GPI: variants seen among roughly 807,000 people sequenced by gnomAD.
GPI encodes glucose-6-phosphate isomerase, also known as D-hexose-6-phosphate anomerase.
In GPI, 56 loss-of-function variants were observed where a neutral mutation model predicts 75.8. The observed-to-expected ratio is 0.74, with a 90% CI of 0.60 to 0.92. The LOEUF is 0.92. GPI is among the 40% of genes least tolerant of loss of function. The pLI, the probability that GPI is intolerant of heterozygous loss-of-function variation, is 0.00. For synonymous variants in GPI, 288 were observed against 285.4 expected (o/e 1.01, Z -0.09); for missense variants, 638 against 741.0 (o/e 0.86, Z 1.61).
At chr19:34,394,482 G>C (rs2074916335) in intron 12 of GPI, among the ~76,000 whole-genome samples, 1 of 152,286 alleles carries the variant, frequency 6.6e-6, no homozygotes, top group East Asian at 1.9e-4. Context: ...GAGGACCTGG[G>C]TCTGTCCATG....
rs755460923 is a variant in GPI at position 34,394,059 on chromosome 19, T to A, written c.1055T>A (p.Phe352Tyr). The part of the protein sequence containing the change: ...DQYLHRFAAY[F>Y]QQGDMESNGK... ...TACCTGCACCGCTTTGCTGCGTACT[T>A]CCAGCAGGTACCAGCTGCCAAGCCA... Residue 352 changes from phenylalanine to tyrosine, a missense_variant, in exon 12 of 18, where the codon TTC becomes TAC. Transcript: ENST00000356487. 15 of 1,610,248 alleles carry A rather than the reference T, an allele frequency of 9.3e-6. No homozygotes were observed. The highest frequency in any genetic ancestry group is 1.3e-5 in the Non-Finnish European group (15 of 1,178,764).
At chr19:34,360,978 A>T (rs980889332), upstream of GPI, among the ~76,000 whole-genome samples, 6 of 151,946 alleles carry the variant, frequency 3.9e-5, no homozygotes, top group Non-Finnish European at 8.8e-5. Context: ...GGGTTTCACC[A>T]TGGTGGCCAG....
At chr19:34,394,875 G>C (rs968888854) in intron 12 of GPI, among the ~76,000 whole-genome samples, 1 of 151,968 alleles carries the variant, frequency 6.6e-6, no homozygotes, top group Non-Finnish European at 1.5e-5. Context: ...CACCTTGCCT[G>C]GCTAATTTTT....
At chr19:34,390,415 G>A (rs2074804439) in intron 9 of GPI, among the ~76,000 whole-genome samples, 1 of 152,184 alleles carries the variant, frequency 6.6e-6, no homozygotes, top group Non-Finnish European at 1.5e-5. Flanking sequence ...CCTGGCACCG[G>A]TAAGGGGCTC....
intron 6 of GPI, 44 bp from the exon 7 acceptor site, chr19:34,378,890 C>A: frequency 6.7e-7 from 1 of 1,487,912 alleles, no homozygotes; most frequent in Non-Finnish European, 9.4e-7. Context: ...GGCCTGCACC[C>A]ACCCCTAAGC....
upstream of GPI, among the ~76,000 whole-genome samples, chr19:34,361,933 A>G (rs182107492): frequency 3.3e-5 from 5 of 151,930 alleles, no homozygotes; most frequent in African/African-American, 1.2e-4. Flanking sequence ...TGGTCAACAC[A>G]GTGAAACCCC....
intron 2 of GPI, 137 bp from the exon 3 acceptor site, chr19:34,366,646 C>A: frequency 1.3e-6 from 1 of 772,132 alleles, no homozygotes; most frequent in Non-Finnish European, 2.3e-6. Context: ...TAGACCCTTC[C>A]CAGACAGCAG....
At chr19:34,374,545 G>A (rs2145347892) in intron 4 of GPI, among the ~76,000 whole-genome samples, 1 of 152,216 alleles carries the variant, frequency 6.6e-6, no homozygotes, top group Admixed American at 6.5e-5. Context: ...ACCTCATTTT[G>A]TCAAGTACAG....
Position 34,393,616 on chromosome 19 carries a change from T to C in GPI, c.866-112T>C, listed in dbSNP as rs539717443. ...TTGTCTAGGTCCGAGTCCTCCCATGTCGTATCTTCTGGCTCTCCATGCAGC... is the reference window on the plus strand; with the variant it reads ...TTGTCTAGGTCCGAGTCCTCCCATGCCGTATCTTCTGGCTCTCCATGCAGC... On this transcript the variant is annotated intron_variant, in intron 10 of 17. Transcript: ENST00000356487. The surrounding 1 kb of genome is among the most constrained non-coding windows in gnomAD (Gnocchi z 4.4). The C allele has an allele frequency of 9.6e-7, 1 of 1,039,486 alleles. No individual in the cohort carries two copies. Among genetic ancestry groups the C allele is most frequent in the Non-Finnish European group, 1.5e-6 (1 of 663,076 alleles). 64.4% of individuals were successfully genotyped at this position (1,039,486 alleles called of 1,614,324 possible).
intron 8 of GPI, 184 bp from the exon 9 acceptor site, chr19:34,381,282 G>T: frequency 1.5e-6 from 1 of 676,028 alleles, no homozygotes; most frequent in Middle Eastern, 3.5e-4. Flanking sequence ...TGTCCAGCTT[G>T]GGGTGGGCAG....
At chr19:34,391,953 G>GTA (rs2074847735) in intron 9 of GPI, among the ~76,000 whole-genome samples, 2 of 458 alleles carry the variant, frequency 4.4e-3, no homozygotes, top group African/African-American at 8.2e-3. Flanking sequence ...GTAAGATCTG[G>GTA]CATGAGTATG....
chr19:34,365,190 C>T (rs915331981), upstream of GPI: 4 of 1,343,024 alleles, frequency 3.0e-6, no homozygotes, highest in African/African-American at 1.5e-5. Context: ...CGCGCCCACG[C>T]GCCTCGCTTG....
chr19:34,362,258 C>T (rs1478796256), upstream of GPI, among the ~76,000 whole-genome samples: 1 of 151,832 alleles, frequency 6.6e-6, no homozygotes, highest in Non-Finnish European at 1.5e-5. Context: ...GAGCCAACAT[C>T]GTGCCATTGC....
rs8191361 is a variant in GPI, at chr19:34,365,706, T to C, written c.122+318T>C. 7.6e-3 allele frequency: 4,102 copies of C among 539,592 alleles called. 135 individuals carry two copies. The highest frequency in any genetic ancestry group is 0.067 in the African/African-American group (3,546 of 52,984). The allele number at this position is 539,592 out of a possible 1,614,324, so 33.4% of individuals were successfully genotyped here. On this transcript the variant is annotated intron_variant, in intron 1 of 17. Coordinates refer to ENST00000356487, the MANE Select transcript of GPI (RefSeq NM_000175.5). The stretch of plus-strand genomic sequence containing the variant: ...ATTTGAGCAGGGGCTCCTTTCGCAG[T>C]TGTGAAGAGAGGCCTTGGCTGACGC...
At chr19:34,391,072 C>T (rs2074820189) in intron 9 of GPI, among the ~76,000 whole-genome samples, 3 of 147,450 alleles carry the variant, frequency 2.0e-5, no homozygotes, top group African/African-American at 5.0e-5. Flanking sequence ...TGAGGATCTG[C>T]GTCTTCCAGT....
intron 9 of GPI, among the ~76,000 whole-genome samples, chr19:34,384,723 G>T (rs1215138087): frequency 6.6e-6 from 1 of 152,162 alleles, no homozygotes; most frequent in East Asian, 1.9e-4. Context: ...ACAGTGAGCA[G>T]GTCTGGATTT....
Position 34,393,743 on chromosome 19 carries a change from A to T in GPI, c.881A>T (p.Glu294Val), listed in dbSNP as rs1481033411. Residue 294 changes from glutamate (E) to valine (V), a missense_variant, in exon 11 of 18, where the codon GAG (glutamate) becomes GTG (valine). Coordinates refer to ENST00000356487, the MANE Select transcript of GPI (RefSeq NM_000175.5). The surrounding 1 kb of genome is among the most constrained non-coding windows in gnomAD (Gnocchi z 4.4). ...TGTGTCACAGGTTTTGACAACTTCGAGCAGCTGCTCTCGGGGGCTCACTGG... is the reference window on the plus strand; with the variant it reads ...TGTGTCACAGGTTTTGACAACTTCGTGCAGCTGCTCTCGGGGGCTCACTGG... ...IALHVGFDNF[E>V]QLLSGAHWMD... 1 of 1,612,454 alleles carries T rather than the reference A, an allele frequency of 6.2e-7. No individual in the cohort carries two copies. The highest frequency in any genetic ancestry group is 1.1e-5 in the South Asian group (1 of 90,964).
In GPI at chr19:34,399,246, A is replaced by G; in HGVS notation, c.1309A>G (p.Met437Val). Residue 437 changes from methionine (M) to valine (V), a missense_variant, in exon 15 of 18, where the codon ATG (methionine) becomes GTG (valine). Transcript: ENST00000356487. Reference protein sequence around the residue: ...ANFLAQTEALMRGKSTEEARK... With the variant: ...ANFLAQTEALVRGKSTEEARK... ...CTTCTTGGCCCAGACAGAGGCCCTG[A>G]TGAGGGGAAAATCGACGGAGGAGGC... The G allele has an allele frequency of 1.2e-6, 2 of 1,613,832 alleles. No individual in the cohort carries two copies. Among genetic ancestry groups the G allele is most frequent in the Non-Finnish European group, 1.7e-6 (2 of 1,179,972 alleles).
intron 4 of GPI, among the ~76,000 whole-genome samples, chr19:34,371,556 G>C (rs928811811): frequency 6.6e-6 from 1 of 152,034 alleles, no homozygotes; most frequent in Admixed American, 6.6e-5. Flanking sequence ...TTGTAATAAA[G>C]ATAGACACAT....
Sources: gnomAD v4.1 joint callset for allele counts (sites outside exome capture counted in the v4.1 genomes callset) on GRCh38, gnomAD v4.1.1 for gene constraint, Gnocchi (gnomAD v3.1) non-coding constraint, MANE v1.5 for transcripts, NCBI Gene and HGNC (gene_info 2026-07-23, HGNC 2026-07-21) for gene names.